EDDM3A: variants seen among roughly 807,000 people sequenced by gnomAD.
The protein encoded by EDDM3A is epididymal protein 3A, also known as epididymal secretory protein E3-alpha.
For missense variants in EDDM3A, 199 were observed against 177.4 expected, an observed-to-expected ratio of 1.12 and a Z score of -0.69; for synonymous variants, 75 against 60.4, an observed-to-expected ratio of 1.24 and a Z score of -1.12.
chr14:20,742,939 T>C (rs924631788), upstream of EDDM3A, among the ~76,000 whole-genome samples: 5 of 152,138 alleles, frequency 3.3e-5, no homozygotes, highest in Non-Finnish European at 7.4e-5. Context: ...CTCCCTGTGT[T>C]GCCCAGGCTG....
chr14:20,747,988 A>G lies in EDDM3A; in HGVS notation c.408A>G (p.Ile136Met). The change falls in exon 2 of 2, where the codon ATA (isoleucine) becomes ATG (methionine). Residue 136 changes from isoleucine (I) to methionine (M), a missense_variant. Physicochemically the swap from Ile to Met is conservative, Grantham distance 10. Transcript: ENST00000326842. ...HCGVDGYVDNIEDLRIIEPIS... is the reference protein window; with the variant it reads ...HCGVDGYVDNMEDLRIIEPIS... ...GCGTAGATGGATATGTTGATAACAT[A>G]GAAGACCTGAGGATTATAGAACCTA... 1 of 1,611,498 alleles carries G rather than the reference A, an allele frequency of 6.2e-7. No homozygotes were observed. Among genetic ancestry groups the G allele is most frequent in the Non-Finnish European group, 8.5e-7 (1 of 1,178,822 alleles).
chr14:20,738,211 C>T, the EDDM3A span, among the ~76,000 whole-genome samples: 16 of 152,130 alleles, frequency 1.1e-4, no homozygotes, highest in Admixed American at 3.3e-4. Context: ...TGGTGGCTCA[C>T]GCCTGTAATC....
At chr14:20,737,123 G>A in the EDDM3A span, among the ~76,000 whole-genome samples, 19 of 147,470 alleles carry the variant, frequency 1.3e-4, no homozygotes, top group South Asian at 3.4e-3. Flanking sequence ...GTGCAATCTC[G>A]GCTCACTGTA....
At chr14:20,736,992 C>T in the EDDM3A span, among the ~76,000 whole-genome samples, 5 of 151,692 alleles carry the variant, frequency 3.3e-5, no homozygotes, top group Middle Eastern at 3.4e-3. Flanking sequence ...GGATTATAGG[C>T]GTGAGCCACC....
chr14:20,742,173 C>T (rs1877453848), upstream of EDDM3A, among the ~76,000 whole-genome samples: 2 of 152,294 alleles, frequency 1.3e-5, no homozygotes, highest in African/African-American at 4.8e-5. Flanking sequence ...TCTCTCTCAT[C>T]CCTGAAGAAT....
At position 20,747,901 on chromosome 14, in the gene EDDM3A, G is replaced by A. The variant is rs562348109; in HGVS notation, c.321G>A (p.Trp107Ter). 3.7e-6 allele frequency: 6 copies of A among 1,614,106 alleles called. No homozygotes were observed. The African/African-American group carries it at 8.0e-5, about 22-fold the overall frequency. ...CCCTCAAAGTACTCGAGTGTCACTGGGAGAAGTACAACAATAGGTACACAG... is the reference window on the plus strand; with the variant it reads ...CCCTCAAAGTACTCGAGTGTCACTGAGAGAAGTACAACAATAGGTACACAG... ...PGALKVLECH[W>*]EKYNNRYTES... The change falls in exon 2 of 2, where the codon TGG (tryptophan) becomes TGA (stop). Residue 107 changes from tryptophan (W) to a stop codon, truncating the protein, a stop_gained. Transcript: ENST00000326842. LOFTEE classifies it low-confidence loss of function (END_TRUNC).
chr14:20,743,818 T>C (rs1024269992), upstream of EDDM3A, among the ~76,000 whole-genome samples: 1 of 152,190 alleles, frequency 6.6e-6, no homozygotes, highest in East Asian at 1.9e-4. Context: ...TCTGTAAATA[T>C]AACAATATGC....
At chr14:20,739,195 T>C in the EDDM3A span, among the ~76,000 whole-genome samples, 194 of 152,296 alleles carry the variant, frequency 1.3e-3, 1 homozygote, top group Non-Finnish European at 2.2e-3. Context: ...TTGCTTTTAC[T>C]AAAGGGTAAG....
At chr14:20,740,671 GC>G in the EDDM3A span, among the ~76,000 whole-genome samples, 15 of 139,060 alleles carry the variant, frequency 1.1e-4, no homozygotes, top group African/African-American at 4.8e-4. Flanking sequence ...TTGTTTGTTT[GC>G]TTGTTTGCTT....
At chr14:20,743,482 A>G (rs1373950269), upstream of EDDM3A, among the ~76,000 whole-genome samples, 1 of 152,182 alleles carries the variant, frequency 6.6e-6, no homozygotes, top group East Asian at 1.9e-4. Flanking sequence ...CCCAGGAGGC[A>G]GAGGTTCCAG....
the EDDM3A span, among the ~76,000 whole-genome samples, chr14:20,739,378 C>T: frequency 3.3e-5 from 5 of 152,290 alleles, no homozygotes; most frequent in East Asian, 9.6e-4. Context: ...GATATCCATC[C>T]CTTATTTGGA....
upstream of EDDM3A, among the ~76,000 whole-genome samples, chr14:20,743,851 G>A (rs376798350): frequency 3.9e-5 from 6 of 152,128 alleles, no homozygotes; most frequent in East Asian, 1.2e-3. Flanking sequence ...TAGTTTAGAT[G>A]GCCTCCTAAT....
chr14:20,746,890 C>T (rs76436880), intron 1 of EDDM3A, among the ~76,000 whole-genome samples: 4,366 of 152,198 alleles, frequency 0.029, 230 homozygotes, highest in African/African-American at 0.1. Flanking sequence ...GCAGACAATA[C>T]GCTTAAAATG....
chr14:20,746,892 C>T (rs1877605209), intron 1 of EDDM3A, among the ~76,000 whole-genome samples: 1 of 152,154 alleles, frequency 6.6e-6, no homozygotes, highest in South Asian at 2.1e-4. Context: ...AGACAATACG[C>T]TTAAAATGTC....
the EDDM3A span, among the ~76,000 whole-genome samples, chr14:20,739,529 T>C: frequency 6.6e-6 from 1 of 152,318 alleles, no homozygotes; most frequent in Non-Finnish European, 1.5e-5. Context: ...TGAACCTTCT[T>C]TTGTAGGACA....
At chr14:20,741,372 T>C (rs1471394773), upstream of EDDM3A, among the ~76,000 whole-genome samples, 1 of 152,240 alleles carries the variant, frequency 6.6e-6, no homozygotes, top group African/African-American at 2.4e-5. Context: ...ACTGGACATA[T>C]CTTTGTCTCA....
upstream of EDDM3A, among the ~76,000 whole-genome samples, chr14:20,743,715 G>C (rs1216536405): frequency 1.3e-5 from 2 of 152,170 alleles, no homozygotes; most frequent in African/African-American, 4.8e-5. Flanking sequence ...TGTTACACAA[G>C]CTGGTAGACA....
chr14:20,737,698 A>G, the EDDM3A span, among the ~76,000 whole-genome samples: 2 of 152,214 alleles, frequency 1.3e-5, no homozygotes, highest in African/African-American at 2.4e-5. Context: ...GGACTTTAAA[A>G]TACAATGGTC....
Position 20,747,632 on chromosome 14 carries a change from C to A in EDDM3A, c.52C>A (p.Leu18Ile), listed in dbSNP as rs760866119. Residue 18 changes from leucine to isoleucine, a missense_variant, in exon 2 of 2, where the codon CTT becomes ATT. Leu to Ile is a conservative substitution (Grantham distance 5). Transcript: ENST00000326842. ...WGILLALLCI[L>I]CRLCVYSNNI... ...CATACTCTTGGCCCTGCTTTGCATCCTTTGCAGGCTGTGTGTATACAGTAA... is the reference window on the plus strand; with the variant it reads ...CATACTCTTGGCCCTGCTTTGCATCATTTGCAGGCTGTGTGTATACAGTAA... The A allele has an allele frequency of 1.2e-6, 2 of 1,613,732 alleles. No homozygotes were observed. Among genetic ancestry groups the A allele is most frequent in the Non-Finnish European group, 1.7e-6 (2 of 1,179,846 alleles).
Sources: gnomAD v4.1 joint callset for allele counts (sites outside exome capture counted in the v4.1 genomes callset) on GRCh38, gnomAD v4.1.1 for gene constraint, MANE v1.5 for transcripts, NCBI Gene and HGNC (gene_info 2026-07-23, HGNC 2026-07-21) for gene names.